Variants in CNPPD1 observed in about 807,000 individuals in gnomAD.
CNPPD1 encodes the protein protein CNPPD1.
A neutral mutation model predicts 43.7 loss-of-function variants in CNPPD1; 40 were observed. The ratio of observed to expected loss-of-function variants is 0.92; its 90% CI spans 0.71 to 1.19. The LOEUF (loss-of-function observed/expected upper bound fraction) is 1.19, where lower values mean the gene tolerates loss of function less well. CNPPD1 is among the 50% of genes most tolerant of loss of function. CNPPD1 has a pLI of 0.00. For synonymous variants in CNPPD1, 208 were observed against 214.3 expected, an observed-to-expected ratio of 0.97 and a Z score of 0.26; for missense variants, 511 against 518.5, an observed-to-expected ratio of 0.99 and a Z score of 0.14.
At position 219,174,467 on chromosome 2, in the gene CNPPD1, C is replaced by T. The variant is rs1483695744; in HGVS notation, c.511-260G>A. Among the ~76,000 whole-genome samples, 3 of 152,312 alleles carry T rather than the reference C, an allele frequency of 2.0e-5. No individual in the cohort carries two copies. The East Asian group carries it at 5.8e-4, about 29-fold the overall frequency. ...TCTGTGTCCACAGGGAGCTAAACAT[C>T]TAGGGGCAGAGAAAGTATGGACACA... On this transcript the variant is annotated intron_variant, in intron 5 of 7. Transcript: ENST00000360507.
chr2:219,175,681 G>T lies in CNPPD1; in HGVS notation c.179-9C>A. On this transcript the variant is annotated splice_polypyrimidine_tract_variant and intron_variant, in intron 2 of 7. Transcript: ENST00000360507. Reference sequence around the variant, plus strand: ...CAGTTCGACAGCAATGTCTGCAAGGGACAGAAGGAAGGCCGAGTGAGCAAA... The same window carrying T: ...CAGTTCGACAGCAATGTCTGCAAGGTACAGAAGGAAGGCCGAGTGAGCAAA... 6.2e-7 allele frequency: 1 copy of T among 1,613,528 alleles called. No homozygotes were observed. The highest frequency in any genetic ancestry group is 8.5e-7 in the Non-Finnish European group (1 of 1,179,610).
In CNPPD1 at chr2:219,172,699, C is replaced by T. The variant is rs1328142358; in HGVS notation, c.1120G>A (p.Ala374Thr). The T allele has an allele frequency of 1.2e-6, 2 of 1,613,906 alleles. No individual in the cohort carries two copies. Among genetic ancestry groups the T allele is most frequent in the Non-Finnish European group, 1.7e-6 (2 of 1,179,890 alleles). Residue 374 changes from alanine to threonine, a missense_variant, in exon 8 of 8, where the codon GCT becomes ACT. Ala to Thr is a moderately conservative substitution (Grantham distance 58). Coordinates refer to ENST00000360507, the MANE Select transcript of CNPPD1 (RefSeq NM_015680.6). ...SSPWYHTYGL[A>T]PPWPWSPVLL... ...ACCGGGCTCCAAGGCCAGGGGGGAG[C>T]CAGGCCATAGGTATGGTACCAGGGG...
At chr2:219,175,534 G>A (rs932638584) in intron 3 of CNPPD1, 57 bp downstream of exon 3, 10 of 1,311,498 alleles carry the variant, frequency 7.6e-6, no homozygotes, top group South Asian at 6.3e-5. Flanking sequence ...AAGAAAAGAC[G>A]ATTCCCCTTT....
Position 219,175,043 on chromosome 2 carries a change from C to A in CNPPD1, c.326G>T (p.Arg109Leu). ...ALVYIERLRH[R>L]NPDYLQHVSS... ...CACATGCTGCAAGTAGTCTGGGTTT[C>A]GGTGCCGGAGCCGTTCAATGTACAC... Residue 109 changes from arginine to leucine, a missense_variant, in exon 4 of 8, where the codon CGA (arginine) becomes CTA (leucine). Coordinates refer to ENST00000360507, the MANE Select transcript of CNPPD1 (RefSeq NM_015680.6). 6.2e-7 allele frequency: 1 copy of A among 1,613,776 alleles called. No homozygotes were observed.
Position 219,172,750 on chromosome 2 carries a change from G to A in CNPPD1, c.1069C>T (p.Arg357Cys), listed in dbSNP as rs200895465. 21 of 1,611,488 alleles carry A rather than the reference G, an allele frequency of 1.3e-5. No individual in the cohort carries two copies. In the Admixed American group the frequency reaches 2.5e-4, roughly 19 times the overall value. Residue 357 changes from arginine (R) to cysteine (C), a missense_variant, in exon 8 of 8, where the codon CGT (arginine) becomes TGT (cysteine). Arg to Cys is a radical substitution (Grantham distance 180). Transcript: ENST00000360507. Reference sequence around the variant, plus strand: ...CTGGACAGCGCAGTGGGGACTGTACGGTTGGGGTGGAGGCAGGCATGGCAG... The same window carrying A: ...CTGGACAGCGCAGTGGGGACTGTACAGTTGGGGTGGAGGCAGGCATGGCAG... Reference protein sequence around the residue: ...PTCHACLHPNRTVPTALSSPW... With the variant: ...PTCHACLHPNCTVPTALSSPW...
At position 219,173,000 on chromosome 2, in the gene CNPPD1, G is replaced by A; in HGVS notation, c.819C>T (p.Thr273=). The change falls in exon 8 of 8, where the codon ACC becomes ACT. Residue 273 remains threonine (T), a synonymous_variant. Coordinates refer to ENST00000360507, the MANE Select transcript of CNPPD1 (RefSeq NM_015680.6). ...TGCAGGGCTCCAGGAGGCAACGGGA[G>A]GTCAGTCCAAGGTCAGGCGGCCCAG... ...PTPGPPDLGL[T]SRCLLEPCIP... 6.2e-7 allele frequency: 1 copy of A among 1,613,856 alleles called. No individual in the cohort carries two copies. Among genetic ancestry groups the A allele is most frequent in the Non-Finnish European group, 8.5e-7 (1 of 1,179,976 alleles).
At position 219,176,817 on chromosome 2, in the gene CNPPD1, G is replaced by A. The variant is rs1574775932; in HGVS notation, c.12C>T (p.Thr4=). MDL[T]GLLLDEEGTF... Reference sequence around the variant, plus strand: ...TGCCTTCTTCGTCCAGCAGGAGCCCGGTCAGGTCCATCGCGCCGCCAGTCG... The same window carrying A: ...TGCCTTCTTCGTCCAGCAGGAGCCCAGTCAGGTCCATCGCGCCGCCAGTCG... Residue 4 remains threonine, a synonymous_variant, in exon 1 of 8, where the codon ACC becomes ACT. Transcript: ENST00000360507. 1.3e-6 allele frequency: 2 copies of A among 1,579,606 alleles called. No homozygotes were observed. Among genetic ancestry groups the A allele is most frequent in the Non-Finnish European group, 1.7e-6 (2 of 1,163,430 alleles).
intron 1 of CNPPD1, 151 bp downstream of exon 1, chr2:219,176,609 C>T: frequency 4.5e-6 from 3 of 670,014 alleles, no homozygotes; most frequent in Non-Finnish European, 5.1e-6. Flanking sequence ...CCGCGGCTCT[C>T]CCTCCCGGCC....
chr2:219,176,855 G>A lies in CNPPD1; in HGVS notation c.-27C>T. 1.3e-6 allele frequency: 2 copies of A among 1,553,782 alleles called. No homozygotes were observed. Among genetic ancestry groups the A allele is most frequent in the Non-Finnish European group, 8.7e-7 (1 of 1,148,006 alleles). On this transcript the variant is annotated 5_prime_UTR_variant, in exon 1 of 8. Transcript: ENST00000360507. ...GCGCCGCCAGTCGCCGCCCTGCGAA[G>A]GTGAACGGAAGGAAACGAGTTGTAG...
At chr2:219,173,276 A>G in intron 7 of CNPPD1, 74 bp downstream of exon 7, 2 of 1,481,320 alleles carry the variant, frequency 1.4e-6, no homozygotes, top group Non-Finnish European at 1.9e-6. Context: ...TGGGCTTTTC[A>G]GCAATCACTT....
intron 6 of CNPPD1, 95 bp from the exon 7 acceptor site, chr2:219,173,562 G>A: frequency 9.5e-7 from 1 of 1,050,718 alleles, no homozygotes; most frequent in Non-Finnish European, 1.4e-6. Context: ...GGAAACACTG[G>A]GAAGCCTGTT....
At position 219,173,058 on chromosome 2, in the gene CNPPD1, T is replaced by C; in HGVS notation, c.761A>G (p.His254Arg). The C allele has an allele frequency of 6.2e-7, 1 of 1,611,154 alleles. No individual in the cohort carries two copies. Residue 254 changes from histidine to arginine, a missense_variant, in exon 8 of 8, where the codon CAT becomes CGT. By Grantham distance (29) the His-to-Arg change is conservative. Coordinates refer to ENST00000360507, the MANE Select transcript of CNPPD1 (RefSeq NM_015680.6). ...ALAVASVAVI[H>R]QSLGLSCIPT... ...GATGCAGGACAGCCCCAAAGACTGATGTATTACGGCCACCGATGCCACAGC... is the reference window on the plus strand; with the variant it reads ...GATGCAGGACAGCCCCAAAGACTGACGTATTACGGCCACCGATGCCACAGC...
In CNPPD1 at chr2:219,176,348, G is replaced by C; in HGVS notation, c.70-17C>G. ...TGGGAGGAACTGAAACAGGGCAGGG[G>C]CAGCGGAGGGTGAAGGGCACGGAAA... is the stretch of plus-strand genomic sequence containing the variant. On this transcript the variant is annotated splice_polypyrimidine_tract_variant and intron_variant, in intron 1 of 7. Coordinates refer to ENST00000360507, the MANE Select transcript of CNPPD1 (RefSeq NM_015680.6). 1 of 1,567,670 alleles carries C rather than the reference G, an allele frequency of 6.4e-7. No homozygotes were observed. The highest frequency in any genetic ancestry group is 8.8e-7 in the Non-Finnish European group (1 of 1,137,814).
chr2:219,173,719 T>G (rs541637852), intron 6 of CNPPD1, among the ~76,000 whole-genome samples: 4 of 152,220 alleles, frequency 2.6e-5, no homozygotes, highest in Non-Finnish European at 5.9e-5. Flanking sequence ...CATAGCTCAC[T>G]GCAGACTCAA....
Position 219,176,813 on chromosome 2 carries a change from G to A in CNPPD1, c.16C>T (p.Leu6Phe), listed in dbSNP as rs1165418320. The change falls in exon 1 of 8, where the codon CTC becomes TTC. Residue 6 changes from leucine (L) to phenylalanine (F), a missense_variant. By Grantham distance (22) the Leu-to-Phe change is conservative. Coordinates refer to ENST00000360507, the MANE Select transcript of CNPPD1 (RefSeq NM_015680.6). ...AAGGTGCCTTCTTCGTCCAGCAGGA[G>A]CCCGGTCAGGTCCATCGCGCCGCCA... MDLTG[L>F]LLDEEGTFSL... is the part of the protein sequence containing the mutation. The A allele has an allele frequency of 6.3e-7, 1 of 1,580,790 alleles. No homozygotes were observed. Among genetic ancestry groups the A allele is most frequent in the Non-Finnish European group, 8.6e-7 (1 of 1,163,986 alleles).
chr2:219,176,909 T>C lies in CNPPD1; in HGVS notation c.-81A>G. 1 of 1,210,284 alleles carries C rather than the reference T, an allele frequency of 8.3e-7. No individual in the cohort carries two copies. Among genetic ancestry groups the C allele is most frequent in the Non-Finnish European group, 1.2e-6 (1 of 867,612 alleles). 75.0% of individuals were successfully genotyped at this position (1,210,284 alleles called of 1,614,324 possible). On this transcript the variant is annotated 5_prime_UTR_variant, in exon 1 of 8. Transcript: ENST00000360507. ...GCTCGCGGAGCTGTCCTTGCCCGCC[T>C]GTCCACCTGCCAGCCTGCCTCCCCG...
At position 219,172,922 on chromosome 2, in the gene CNPPD1, C is replaced by T. The variant is rs966377315; in HGVS notation, c.897G>A (p.Leu299=). ...GTGACCGCAGCCCCATGCTGCCTTC[C>T]AGGCAGCTGGAGACATTAGCGAGAG... ...LPSLANVSSC[L]EGSMGLRSLW... The change falls in exon 8 of 8, where the codon CTG becomes CTA. Residue 299 remains leucine, a synonymous_variant. Coordinates refer to ENST00000360507, the MANE Select transcript of CNPPD1 (RefSeq NM_015680.6). The T allele has an allele frequency of 8.1e-6, 13 of 1,612,778 alleles. No homozygotes were observed. The highest frequency in any genetic ancestry group is 6.6e-5 in the South Asian group (6 of 90,946).
chr2:219,172,728 G>C lies in CNPPD1; in HGVS notation c.1091C>G (p.Ser364Cys). 6.2e-7 allele frequency: 1 copy of C among 1,613,710 alleles called. No homozygotes were observed. The highest frequency in any genetic ancestry group is 8.5e-7 in the Non-Finnish European group (1 of 1,179,778). Residue 364 changes from serine to cysteine, a missense_variant, in exon 8 of 8, where the codon TCC becomes TGC. Coordinates refer to ENST00000360507, the MANE Select transcript of CNPPD1 (RefSeq NM_015680.6). ...HPNRTVPTALSSPWYHTYGLA... is the reference protein window; with the variant it reads ...HPNRTVPTALCSPWYHTYGLA... ...GCCATAGGTATGGTACCAGGGGCTGGACAGCGCAGTGGGGACTGTACGGTT... is the reference window on the plus strand; with the variant it reads ...GCCATAGGTATGGTACCAGGGGCTGCACAGCGCAGTGGGGACTGTACGGTT...
chr2:219,172,553 C>CA lies in CNPPD1; in HGVS notation c.*32dup, dbSNP rs2106383724. The CA allele has an allele frequency of 6.2e-7, 1 of 1,611,346 alleles. No homozygotes were observed. The highest frequency in any genetic ancestry group is 2.2e-5 in the East Asian group (1 of 44,888). On this transcript the variant is annotated 3_prime_UTR_variant, in exon 8 of 8. Coordinates refer to ENST00000360507, the MANE Select transcript of CNPPD1 (RefSeq NM_015680.6). ...GCTCCTCCAGGTTCTCAGAAACTCCCAAACCCTCTTAATGCATTCCTCACA... is the reference window on the plus strand; with the variant it reads ...GCTCCTCCAGGTTCTCAGAAACTCCCAAAACCCTCTTAATGCATTCCTCACA...
Sources: gnomAD v4.1 joint callset for allele counts (sites outside exome capture counted in the v4.1 genomes callset) on GRCh38, gnomAD v4.1.1 for gene constraint, MANE v1.5 for transcripts, NCBI Gene and HGNC (gene_info 2026-07-23, HGNC 2026-07-21) for gene names.